DNAH17: variants seen among roughly 807,000 people sequenced by gnomAD.
The protein encoded by DNAH17 is dynein axonemal heavy chain 17, also known as axonemal beta dynein heavy chain 17.
Under a neutral mutation model 485.6 loss-of-function variants are expected in DNAH17, and 376 were observed. That is an observed-to-expected ratio of 0.77 (90% CI 0.71 to 0.84). The LOEUF (loss-of-function observed/expected upper bound fraction) is 0.84, where lower values mean the gene tolerates loss of function less well. Ranked by LOEUF, DNAH17 falls within the 40% of genes least tolerant of loss-of-function variation. DNAH17 has a pLI of 0.00. For missense variants in DNAH17, 6,370 were observed against 5,839.3 expected, an observed-to-expected ratio of 1.09 and a Z score of -2.96; for synonymous variants, 3,031 against 2,405.9, an observed-to-expected ratio of 1.26 and a Z score of -7.60.
At chr17:78,447,954 C>G (rs964058242) in intron 69 of DNAH17, among the ~76,000 whole-genome samples, 1 of 151,186 alleles carries the variant, frequency 6.6e-6, no homozygotes, top group Non-Finnish European at 1.5e-5. Context: ...AGTGGATCAC[C>G]TAAGATCGGG....
intron 48 of DNAH17, 80 bp downstream of exon 48, chr17:78,484,788 G>T: frequency 1.5e-6 from 1 of 652,900 alleles, no homozygotes; most frequent in Non-Finnish European, 1.9e-6. Flanking sequence ...CTGGGGCTCC[G>T]CCTCTTCCTG....
At position 78,499,120 on chromosome 17, in the gene DNAH17, G is replaced by C. The variant is rs2090180385; in HGVS notation, c.5641-8C>G. 1 of 1,564,350 alleles carries C rather than the reference G, an allele frequency of 6.4e-7. No individual in the cohort carries two copies. The highest frequency in any genetic ancestry group is 8.7e-7 in the Non-Finnish European group (1 of 1,155,508). On this transcript the variant is annotated splice_region_variant and splice_polypyrimidine_tract_variant and intron_variant, in intron 36 of 80. Transcript: ENST00000389840. ...GTAGATATTTCCACAGGACTGGAAA[G>C]GGCGAGATGGAGAAAGGAAGAGCTG...
intron 17 of DNAH17, among the ~76,000 whole-genome samples, chr17:78,543,451 C>A (rs929964777): frequency 1.3e-5 from 2 of 152,016 alleles, no homozygotes; most frequent in South Asian, 2.1e-4. Context: ...CCACCGCGCC[C>A]GGCTAATTTT....
At chr17:78,539,991 A>G in intron 17 of DNAH17, 111 bp from the exon 18 acceptor site, 1 of 1,142,570 alleles carries the variant, frequency 8.8e-7, no homozygotes, top group Non-Finnish European at 1.2e-6. Context: ...CGCCGGACAC[A>G]CGGGGCTGCT....
At position 78,455,648 on chromosome 17, in the gene DNAH17, A is replaced by T. The variant is rs1209870569; in HGVS notation, c.10166T>A (p.Leu3389Ter). Residue 3389 changes from leucine (L) to a stop codon, truncating the protein, a stop_gained, in exon 63 of 81, where the codon TTA (leucine) becomes TAA (stop). Transcript: ENST00000389840. LOFTEE classifies it high-confidence loss of function. The stretch of plus-strand genomic sequence containing the variant: ...GGCCAGGACTCCACTCCTTACCTTT[A>T]AGTTATGTATGTAAGGGATCCAGAA... The part of the protein sequence containing the change: ...EKFWIPYIHN[L>*]KVPIPITNGL... 6.5e-7 allele frequency: 1 copy of T among 1,547,238 alleles called. No homozygotes were observed. Among genetic ancestry groups the T allele is most frequent in the Non-Finnish European group, 8.7e-7 (1 of 1,145,066 alleles).
At chr17:78,471,441 C>G (rs555985317) in intron 54 of DNAH17, among the ~76,000 whole-genome samples, 1 of 152,166 alleles carries the variant, frequency 6.6e-6, no homozygotes, top group African/African-American at 2.4e-5. Context: ...GAGTCAAAGA[C>G]GAATCACTCT....
At chr17:78,521,709 G>A (rs140463781) in intron 25 of DNAH17, among the ~76,000 whole-genome samples, 50 of 151,942 alleles carry the variant, frequency 3.3e-4, no homozygotes, top group Non-Finnish European at 2.8e-4. Context: ...AAAACTGGCC[G>A]GGCATGGTGG....
At chr17:78,512,336 C>T (rs1461737490) in intron 26 of DNAH17, among the ~76,000 whole-genome samples, 1 of 152,158 alleles carries the variant, frequency 6.6e-6, no homozygotes, top group East Asian at 1.9e-4. Context: ...TTCTCACTCC[C>T]AAGGCCCAAG....
At chr17:78,428,264 T>C (rs2086547933) in intron 77 of DNAH17, 1 of 520,678 alleles carries the variant, frequency 1.9e-6, no homozygotes, top group Non-Finnish European at 3.5e-6. Context: ...GCTGGGATGC[T>C]CTTGGAGCCG....
intron 47 of DNAH17, 84 bp downstream of exon 47, chr17:78,485,466 G>A (rs1013908849): frequency 3.8e-6 from 5 of 1,331,154 alleles, no homozygotes; most frequent in Non-Finnish European, 5.2e-6. Context: ...GTGAGTGCCT[G>A]GGCCTGCAGT....
intron 37 of DNAH17, among the ~76,000 whole-genome samples, chr17:78,497,616 G>T (rs8067451): frequency 0.23 from 35,366 of 152,160 alleles, 4,340 homozygotes; most frequent in South Asian, 0.35. Context: ...GTAACAGCCA[G>T]CACTGCCCAT....
chr17:78,566,478 C>T (rs1294229340), intron 11 of DNAH17, 136 bp downstream of exon 11: 6 of 656,518 alleles, frequency 9.1e-6, no homozygotes, highest in Non-Finnish European at 1.6e-5. Flanking sequence ...CTCTGAGGCA[C>T]AGGAGACGGG....
intron 19 of DNAH17, among the ~76,000 whole-genome samples, chr17:78,535,392 C>T (rs1175886059): frequency 6.6e-6 from 1 of 152,230 alleles, no homozygotes; most frequent in East Asian, 1.9e-4. Flanking sequence ...CGCTCACACG[C>T]CCACTCCTCT....
intron 75 of DNAH17, 33 bp from the exon 76 acceptor site, chr17:78,429,333 G>A (rs2086593162): frequency 3.8e-6 from 6 of 1,596,566 alleles, no homozygotes; most frequent in Admixed American, 1.7e-5. Flanking sequence ...AGGGGAAAGT[G>A]CCCCTGTGCC....
intron 16 of DNAH17, among the ~76,000 whole-genome samples, chr17:78,550,584 G>A (rs949576600): frequency 2.6e-5 from 4 of 152,212 alleles, no homozygotes; most frequent in Non-Finnish European, 5.9e-5. Context: ...TGAAGCCACA[G>A]GGAGAAGACA....
At chr17:78,505,466 G>C in intron 30 of DNAH17, 21 bp from the exon 31 acceptor site, 1 of 1,613,832 alleles carries the variant, frequency 6.2e-7, no homozygotes, top group East Asian at 2.2e-5. Context: ...GCAAGAAGCG[G>C]GAATTATGCA....
At chr17:78,453,535 CA>C in intron 64 of DNAH17, 70 bp from the exon 65 acceptor site, 1 of 1,585,384 alleles carries the variant, frequency 6.3e-7, no homozygotes, top group Non-Finnish European at 8.6e-7. Flanking sequence ...ACGCTCCGAC[CA>C]GCAGCCCCTG....
intron 25 of DNAH17, among the ~76,000 whole-genome samples, chr17:78,517,890 A>G (rs1215966969): frequency 1.3e-5 from 2 of 152,240 alleles, no homozygotes; most frequent in Non-Finnish European, 2.9e-5. Context: ...CAGTTATGTT[A>G]TAGTTAAGAG....
rs1251341062 is a variant in DNAH17 at position 78,502,909 on chromosome 17, A to G, written c.5059T>C (p.Trp1687Arg). The change falls in exon 32 of 81, where the codon TGG becomes CGG. Residue 1687 changes from tryptophan (W) to arginine (R), a missense_variant. By Grantham distance (101) the Trp-to-Arg change is moderately radical. Transcript: ENST00000389840. The stretch of plus-strand genomic sequence containing the variant: ...ACCTGGGCTGGGTAGTCCAGGATCC[A>G]CTGCTCCCTCGGCTTCTCTTCGTAG... The part of the protein sequence containing the change: ...VTYEEKPREQ[W>R]ILDYPAQVAL... 8 of 1,613,930 alleles carry G rather than the reference A, an allele frequency of 5.0e-6. No individual in the cohort carries two copies. The highest frequency in any genetic ancestry group is 6.8e-6 in the Non-Finnish European group (8 of 1,179,932).
Sources: gnomAD v4.1 joint callset for allele counts (sites outside exome capture counted in the v4.1 genomes callset) on GRCh38, gnomAD v4.1.1 for gene constraint, MANE v1.5 for transcripts, NCBI Gene and HGNC (gene_info 2026-07-23, HGNC 2026-07-21) for gene names.